COL23A1: variants seen among roughly 807,000 people sequenced by gnomAD.
COL23A1 encodes collagen type XXIII alpha 1 chain, also known as collagen alpha-1(XXIII) chain.
In COL23A1, 97 loss-of-function variants were observed where a neutral mutation model predicts 99.3. The observed-to-expected ratio is 0.98, with a 90% CI of 0.83 to 1.16. The LOEUF is 1.16. COL23A1 is among the 50% of genes most tolerant of loss of function. The pLI is 0.00. For missense variants in COL23A1, 762 were observed against 757.4 expected, an observed-to-expected ratio of 1.01 and a Z score of -0.07; for synonymous variants, 320 against 308.2, an observed-to-expected ratio of 1.04 and a Z score of -0.40.
intron 2 of COL23A1, among the ~76,000 whole-genome samples, chr5:178,422,037 C>T (rs139093247): frequency 4.5e-4 from 69 of 152,314 alleles, no homozygotes; most frequent in Non-Finnish European, 8.1e-4. Flanking sequence ...TCTTTTTAGG[C>T]CTCAGCTTCT....
chr5:178,583,490 AACAC>A (rs141089030), intron 1 of COL23A1, among the ~76,000 whole-genome samples: 1 of 152,022 alleles, frequency 6.6e-6, no homozygotes, highest in Non-Finnish European at 1.5e-5. Flanking sequence ...CACACACATG[AACAC>A]ACACACACAG....
intron 2 of COL23A1, among the ~76,000 whole-genome samples, chr5:178,403,745 A>G (rs1415490714): frequency 1.3e-5 from 2 of 152,278 alleles, no homozygotes; most frequent in African/African-American, 4.8e-5. Context: ...AACTGTGCCC[A>G]ACACCTGCAA....
chr5:178,553,366 G>A (rs550686139), intron 2 of COL23A1, among the ~76,000 whole-genome samples: 10 of 152,180 alleles, frequency 6.6e-5, no homozygotes, highest in Non-Finnish European at 8.8e-5. Flanking sequence ...TGCTTTCTAC[G>A]GTCCTAAGTG....
chr5:178,522,505 G>A (rs1760003959), intron 2 of COL23A1, among the ~76,000 whole-genome samples: 1 of 152,140 alleles, frequency 6.6e-6, no homozygotes, highest in African/African-American at 2.4e-5. Flanking sequence ...GCTAACCCCA[G>A]TCAACCATCC....
At chr5:178,423,537 C>A (rs1034032115) in intron 2 of COL23A1, among the ~76,000 whole-genome samples, 12 of 152,112 alleles carry the variant, frequency 7.9e-5, no homozygotes, top group African/African-American at 2.9e-4. Flanking sequence ...CCGCGATGCT[C>A]GATAGGTTAG....
Position 178,255,800 on chromosome 5 carries a change from C to T in COL23A1, c.882+553G>A, listed in dbSNP as rs767326034. 49 of 386,566 alleles carry T rather than the reference C, an allele frequency of 1.3e-4. No homozygotes were observed. The highest frequency in any genetic ancestry group is 2.3e-4 in the Non-Finnish European group (43 of 187,286). The allele number at this position is 386,566 out of a possible 1,614,324, so 23.9% of individuals were successfully genotyped here. On this transcript the variant is annotated intron_variant, in intron 15 of 28. Transcript: ENST00000390654. This position sits in a 1 kb window ranked among gnomAD's most constrained non-coding sequence, Gnocchi z 4.2. Reference sequence around the variant, plus strand: ...GCTCCCCACCACCTGCACAGCCAGGCGGGGGCTCAGATCCATTTTTTTTGG... The same window carrying T: ...GCTCCCCACCACCTGCACAGCCAGGTGGGGGCTCAGATCCATTTTTTTTGG...
intron 2 of COL23A1, among the ~76,000 whole-genome samples, chr5:178,501,127 A>G (rs979653968): frequency 2.0e-5 from 3 of 152,222 alleles, no homozygotes; most frequent in East Asian, 3.8e-4. Flanking sequence ...TAAAAATGTA[A>G]GAAGACTCTT....
Position 178,365,487 on chromosome 5 carries a change from C to A in COL23A1, c.362-58568G>T, listed in dbSNP as rs1309546088. ...CTTTCTTTTGACGGGTACCCGCCAC[C>A]CAATCCCTCTTTCTTCTGATGTCGA... On this transcript the variant is annotated intron_variant, in intron 2 of 28. Transcript: ENST00000390654. This position sits in a 1 kb window ranked among gnomAD's most constrained non-coding sequence, Gnocchi z 5.2. Among the ~76,000 whole-genome samples, 2 of 152,026 alleles carry A rather than the reference C, an allele frequency of 1.3e-5. No homozygotes were observed. The highest frequency in any genetic ancestry group is 4.8e-5 in the African/African-American group (2 of 41,382).
chr5:178,513,863 TA>T (rs1432018457), intron 2 of COL23A1, among the ~76,000 whole-genome samples: 1 of 56,846 alleles, frequency 1.8e-5, no homozygotes, highest in East Asian at 1.0e-3. Context: ...TCTGCTTTTT[TA>T]AAAAATTATT....
At chr5:178,391,872 T>C (rs1197207915) in intron 2 of COL23A1, among the ~76,000 whole-genome samples, 21 of 143,658 alleles carry the variant, frequency 1.5e-4, no homozygotes, top group Admixed American at 1.3e-3. Flanking sequence ...GGTATATTCA[T>C]ACAATGAAAC....
At chr5:178,345,233 A>C in intron 2 of COL23A1, 1 of 854,424 alleles carries the variant, frequency 1.2e-6, no homozygotes, top group Admixed American at 1.9e-5. Flanking sequence ...TGATTTCTAT[A>C]ATGTCCCTAT....
intron 2 of COL23A1, among the ~76,000 whole-genome samples, chr5:178,358,577 ATG>A: frequency 7.9e-6 from 1 of 126,932 alleles, no homozygotes; most frequent in African/African-American, 2.9e-5. Context: ...TCTAATGTGT[ATG>A]TGTATGTGTG....
At chr5:178,409,983 G>A (rs1764980009) in intron 2 of COL23A1, among the ~76,000 whole-genome samples, 1 of 152,010 alleles carries the variant, frequency 6.6e-6, no homozygotes, top group African/African-American at 2.4e-5. Context: ...ATAAAAATCT[G>A]GATTTCATGA....
intron 5 of COL23A1, among the ~76,000 whole-genome samples, chr5:178,276,768 G>A (rs762295868): frequency 3.3e-5 from 5 of 152,228 alleles, no homozygotes; most frequent in Non-Finnish European, 5.9e-5. Context: ...TCAAAGTTAG[G>A]TTCAGCCCAG....
At chr5:178,326,977 C>T (rs1759719475) in intron 2 of COL23A1, among the ~76,000 whole-genome samples, 1 of 152,232 alleles carries the variant, frequency 6.6e-6, no homozygotes, top group South Asian at 2.1e-4. Context: ...CTTGGCCTCC[C>T]AAAGTGCCGG....
At chr5:178,376,648 C>T (rs1172108452) in intron 2 of COL23A1, among the ~76,000 whole-genome samples, 3 of 152,184 alleles carry the variant, frequency 2.0e-5, no homozygotes, top group African/African-American at 4.8e-5. Flanking sequence ...GAAGAGAAAT[C>T]GGAAGCTCTG....
intron 2 of COL23A1, among the ~76,000 whole-genome samples, chr5:178,556,283 C>T (rs1000224627): frequency 1.3e-5 from 2 of 151,590 alleles, no homozygotes; most frequent in African/African-American, 4.9e-5. Context: ...ATAACTGTTG[C>T]GTTATTAAAA....
intron 13 of COL23A1, among the ~76,000 whole-genome samples, 188 bp downstream of exon 13, chr5:178,257,335 T>C (rs1048743235): frequency 6.6e-6 from 1 of 152,090 alleles, no homozygotes; most frequent in Non-Finnish European, 1.5e-5. Flanking sequence ...GGGAGGCACA[T>C]GGCCCGGGTG....
chr5:178,526,249 C>T (rs563943486), intron 2 of COL23A1, among the ~76,000 whole-genome samples: 35 of 152,318 alleles, frequency 2.3e-4, no homozygotes, highest in African/African-American at 8.2e-4. Flanking sequence ...CCGGGAACTG[C>T]CCCTTTGCCT....
Sources: gnomAD v4.1 joint callset for allele counts (sites outside exome capture counted in the v4.1 genomes callset) on GRCh38, gnomAD v4.1.1 for gene constraint, Gnocchi (gnomAD v3.1) non-coding constraint, MANE v1.5 for transcripts, NCBI Gene and HGNC (gene_info 2026-07-23, HGNC 2026-07-21) for gene names.